Variants in EPS8 observed in about 807,000 individuals in gnomAD.
EPS8 encodes epidermal growth factor receptor kinase substrate 8.
In EPS8, 42 loss-of-function variants were observed where a neutral mutation model predicts 103.8. The observed-to-expected ratio is 0.40, with a 90% CI of 0.32 to 0.52. The LOEUF (loss-of-function observed/expected upper bound fraction) is 0.52, where lower values mean the gene tolerates loss of function less well. Ranked by LOEUF, EPS8 falls within the 20% of genes least tolerant of loss-of-function variation. The pLI, the probability that EPS8 is intolerant of heterozygous loss-of-function variation, is 0.40. For missense variants in EPS8, 969 were observed against 1,005.1 expected (o/e 0.96, Z 0.49); for synonymous variants, 344 against 344.6 (o/e 1.00, Z 0.02).
intron 3 of EPS8, among the ~76,000 whole-genome samples, chr12:15,676,394 T>C (rs1366695378): frequency 6.6e-6 from 1 of 151,066 alleles, no homozygotes; most frequent in Non-Finnish European, 1.5e-5. Context: ...TATAACAACA[T>C]GGAAAAGGGA....
At chr12:15,708,304 G>A (rs183465714) in intron 1 of EPS8, among the ~76,000 whole-genome samples, 12 of 152,280 alleles carry the variant, frequency 7.9e-5, no homozygotes, top group Admixed American at 5.2e-4. Context: ...CAGGTTTTGT[G>A]AGAATTCCAT....
chr12:15,660,592 A>G, intron 10 of EPS8, 22 bp downstream of exon 10: 1 of 1,127,732 alleles, frequency 8.9e-7, no homozygotes, highest in Non-Finnish European at 1.4e-6. Flanking sequence ...AGGCATTAGA[A>G]GATTAAGAAA....
intron 5 of EPS8, 46 bp from the exon 6 acceptor site, chr12:15,669,582 TTCAAACAA>T: frequency 6.4e-7 from 1 of 1,567,688 alleles, no homozygotes; most frequent in Non-Finnish European, 8.7e-7. Flanking sequence ...TCCATCCATT[TTCAAACAA>T]TCTGAAATGA....
At chr12:15,665,650 C>A in intron 8 of EPS8, 106 bp downstream of exon 8, 1 of 1,414,918 alleles carries the variant, frequency 7.1e-7, no homozygotes, top group South Asian at 1.2e-5. Context: ...TTTTTAAAAA[C>A]TAACCTCAAG....
In EPS8 at chr12:15,620,419, T is replaced by C. The variant is rs1388882430; in HGVS notation, c.*898A>G. 2.6e-5 allele frequency: 4 copies of C among 152,666 alleles called. No homozygotes were observed. Among genetic ancestry groups the C allele is most frequent in the Admixed American group, 2.6e-4 (4 of 15,280 alleles). The allele number at this position is 152,666 out of a possible 1,614,324, so 9.5% of individuals were successfully genotyped here. ...TGGAATCTTTCACAGGATTAAAATATGTGTAAATTAAGTGCTTCTTATTAC... is the reference window on the plus strand; with the variant it reads ...TGGAATCTTTCACAGGATTAAAATACGTGTAAATTAAGTGCTTCTTATTAC... On this transcript the variant is annotated 3_prime_UTR_variant, in exon 21 of 21. Coordinates refer to ENST00000281172, the MANE Select transcript of EPS8 (RefSeq NM_004447.6).
chr12:15,719,584 T>C (rs1946572016), intron 1 of EPS8, among the ~76,000 whole-genome samples: 1 of 152,194 alleles, frequency 6.6e-6, no homozygotes, highest in Non-Finnish European at 1.5e-5. Context: ...TCACATTAAA[T>C]TGCCAGAGGA....
Position 15,681,184 on chromosome 12 carries a change from G to A in EPS8, c.136+42C>T. The A allele has an allele frequency of 3.9e-6, 4 of 1,031,928 alleles. No individual in the cohort carries two copies. In the South Asian group the frequency reaches 4.7e-5, roughly 12 times the overall value. The allele number at this position is 1,031,928 out of a possible 1,614,324, so 63.9% of individuals were successfully genotyped here. ...TTTGAAAATGTAATTTGTAAAAAGT[G>A]GTTAGAAACAAAATTATACCCTATC... On this transcript the variant is annotated intron_variant, in intron 3 of 20. Coordinates refer to ENST00000281172, the MANE Select transcript of EPS8 (RefSeq NM_004447.6).
At chr12:15,633,615 C>T (rs997547055) in intron 17 of EPS8, among the ~76,000 whole-genome samples, 12 of 152,180 alleles carry the variant, frequency 7.9e-5, no homozygotes, top group African/African-American at 2.9e-4. Context: ...CATAATGCAA[C>T]TTTATCAGTA....
intron 6 of EPS8, among the ~76,000 whole-genome samples, chr12:15,667,938 T>G (rs971191562): frequency 2.0e-5 from 3 of 152,094 alleles, no homozygotes; most frequent in African/African-American, 7.2e-5. Context: ...AAACCTAAAA[T>G]CCAGAAACTT....
At chr12:15,674,626 C>T (rs189570912) in intron 3 of EPS8, among the ~76,000 whole-genome samples, 14 of 152,154 alleles carry the variant, frequency 9.2e-5, no homozygotes, top group African/African-American at 3.4e-4. Context: ...ATTTTATTGG[C>T]CTGTTCAACA....
chr12:15,763,806 C>T (rs147656575), intron 1 of EPS8, among the ~76,000 whole-genome samples: 188 of 152,284 alleles, frequency 1.2e-3, no homozygotes, highest in African/African-American at 4.3e-3. Context: ...TGATTTCACA[C>T]ACAGAACATA....
intron 3 of EPS8, among the ~76,000 whole-genome samples, chr12:15,674,677 T>G (rs2135863948): frequency 6.6e-6 from 1 of 152,324 alleles, no homozygotes; most frequent in East Asian, 1.9e-4. Flanking sequence ...AAAAGGACTT[T>G]TAAAATTTTC....
Position 15,749,069 on chromosome 12 carries a change from C to G in EPS8, c.-22+40092G>C, listed in dbSNP as rs1218777592. Among the ~76,000 whole-genome samples, 1 of 152,064 alleles carries G rather than the reference C, an allele frequency of 6.6e-6. No homozygotes were observed. The highest frequency in any genetic ancestry group is 1.5e-5 in the Non-Finnish European group (1 of 68,004). ...TTTTGTCAAGATCCATCCTAGTGTT[C>G]TTTTGGAAGAGCTAAATGTAATACT... On this transcript the variant is annotated intron_variant, in intron 1 of 20. Transcript: ENST00000281172. The surrounding 1 kb of genome is among the most constrained non-coding windows in gnomAD (Gnocchi z 4.0).
rs1198456587 is a variant in EPS8, at chr12:15,690,929, C to G, written c.-21-7957G>C. Among the ~76,000 whole-genome samples, 2 of 151,868 alleles carry G rather than the reference C, an allele frequency of 1.3e-5. No homozygotes were observed. Among genetic ancestry groups the G allele is most frequent in the Non-Finnish European group, 2.9e-5 (2 of 67,986 alleles). On this transcript the variant is annotated intron_variant, in intron 1 of 20. Coordinates refer to ENST00000281172, the MANE Select transcript of EPS8 (RefSeq NM_004447.6). This position sits in a 1 kb window ranked among gnomAD's most constrained non-coding sequence, Gnocchi z 4.7. ...AGAAAGTGATGCAATAAAGAAGAGT[C>G]AAGACCAAACAAAAAAGTCAGTTCC...
chr12:15,687,212 C>T (rs546859882), intron 1 of EPS8, among the ~76,000 whole-genome samples: 139 of 152,030 alleles, frequency 9.1e-4, no homozygotes, highest in Non-Finnish European at 1.7e-3. Context: ...TATCTCTTTC[C>T]AGTACCATTG....
At chr12:15,668,209 A>T (rs1424454369) in intron 6 of EPS8, among the ~76,000 whole-genome samples, 2 of 152,186 alleles carry the variant, frequency 1.3e-5, no homozygotes, top group African/African-American at 2.4e-5. Context: ...AATTACCTAA[A>T]TGCCAGTTCT....
chr12:15,659,302 G>A (rs1945562926), intron 10 of EPS8, among the ~76,000 whole-genome samples: 1 of 151,966 alleles, frequency 6.6e-6, no homozygotes, highest in African/African-American at 2.4e-5. Context: ...TGTTCTCACA[G>A]CATGAAAAAG....
intron 1 of EPS8, among the ~76,000 whole-genome samples, chr12:15,750,410 T>C (rs567236880): frequency 2.0e-5 from 3 of 152,186 alleles, no homozygotes; most frequent in African/African-American, 4.8e-5. Flanking sequence ...CATATGTCTA[T>C]CAAGATAAAC....
intron 17 of EPS8, among the ~76,000 whole-genome samples, chr12:15,633,912 C>A (rs933369109): frequency 6.6e-6 from 1 of 152,104 alleles, no homozygotes; most frequent in African/African-American, 2.4e-5. Flanking sequence ...TTTTCTGTCT[C>A]CCTCCCTAGC....
Sources: allele counts gnomAD v4.1 joint callset (sites outside exome capture counted in the v4.1 genomes callset), GRCh38; gene constraint gnomAD v4.1.1; non-coding constraint Gnocchi (gnomAD v3.1); transcripts MANE v1.5; gene names NCBI Gene and HGNC (gene_info 2026-07-23, HGNC 2026-07-21).